The following ACAP2 variants were observed in gnomAD, a reference collection of about 807,000 sequenced individuals.
ACAP2 encodes the protein arf-GAP with coiled-coil, ANK repeat and PH domain-containing protein 2.
A neutral mutation model predicts 115.8 loss-of-function variants in ACAP2; 39 were observed. That is an observed-to-expected ratio of 0.34 (90% confidence interval 0.26 to 0.44). The LOEUF (loss-of-function observed/expected upper bound fraction) is 0.44, where lower values mean the gene tolerates loss of function less well. Ranked by LOEUF, ACAP2 falls within the 20% of genes least tolerant of loss-of-function variation. The probability of loss-of-function intolerance (pLI) is 1.00; values close to 1 mark genes in which losing one functional copy is unlikely to be tolerated. For missense variants in ACAP2, 662 were observed against 927.6 expected (o/e 0.71, Z 3.72); for synonymous variants, 289 against 315.8 (o/e 0.92, Z 0.90).
intron 10 of ACAP2, among the ~76,000 whole-genome samples, chr3:195,318,443 G>C (rs1476123730): frequency 6.6e-6 from 1 of 152,242 alleles, no homozygotes; most frequent in Non-Finnish European, 1.5e-5. Flanking sequence ...CCAAAATGCT[G>C]ATACGGATAT....
chr3:195,284,304 C>CA (rs1041270758), intron 22 of ACAP2, among the ~76,000 whole-genome samples: 1 of 152,170 alleles, frequency 6.6e-6, no homozygotes, highest in African/African-American at 2.4e-5. Context: ...ACAAAGGCCT[C>CA]AAAAACGGCC....
intron 4 of ACAP2, among the ~76,000 whole-genome samples, chr3:195,353,977 C>T (rs1455163981): frequency 6.6e-6 from 1 of 152,028 alleles, no homozygotes; most frequent in Non-Finnish European, 1.5e-5. Context: ...TTTTTCTGAT[C>T]CTCTCCCTCC....
intron 1 of ACAP2, among the ~76,000 whole-genome samples, chr3:195,432,740 T>A (rs967397463): frequency 2.6e-5 from 4 of 152,204 alleles, no homozygotes; most frequent in Non-Finnish European, 4.4e-5. Context: ...GGAATTTTCA[T>A]AGAGATTGCG....
In ACAP2 at chr3:195,297,188, A is replaced by G; in HGVS notation, c.1487+2T>C. On this transcript the variant is annotated splice_donor_variant, in intron 16 of 22. Transcript: ENST00000326793. LOFTEE classifies it high-confidence loss of function. ...AGGGGGAAAAAACAACTGAAATAGT[A>G]CCTTTGTCCTGGTTGGGGTTTCTTT... 1 of 1,610,538 alleles carries G rather than the reference A, an allele frequency of 6.2e-7. No homozygotes were observed.
At chr3:195,341,995 G>A (rs528436345) in intron 6 of ACAP2, among the ~76,000 whole-genome samples, 1 of 152,052 alleles carries the variant, frequency 6.6e-6, no homozygotes, top group African/African-American at 2.4e-5. Flanking sequence ...TCAGAAAGGG[G>A]GGAAGGTGGG....
intron 15 of ACAP2, among the ~76,000 whole-genome samples, chr3:195,300,044 C>CTTTTTTTTTTTTTTTTTTTTTT (rs765234326): frequency 2.3e-4 from 8 of 34,342 alleles, no homozygotes; most frequent in African/African-American, 4.9e-4. Context: ...CTTTTTTTTT[C>CTTTTTTTTTTTTTTTTTTTTTT]TTTTTTTTTT....
chr3:195,393,890 G>C (rs1001322403), intron 1 of ACAP2, among the ~76,000 whole-genome samples: 7 of 145,338 alleles, frequency 4.8e-5, no homozygotes, highest in African/African-American at 7.5e-5. Flanking sequence ...ATATTGGGGG[G>C]GGGGGAAGCA....
intron 2 of ACAP2, among the ~76,000 whole-genome samples, chr3:195,383,304 TA>T (rs1449403893): frequency 6.9e-6 from 1 of 145,586 alleles, no homozygotes; most frequent in Non-Finnish European, 1.5e-5. Context: ...AGATAGTAAA[TA>T]AAAGTCTGGT....
intron 10 of ACAP2, among the ~76,000 whole-genome samples, chr3:195,313,784 T>G (rs1728909872): frequency 6.6e-6 from 1 of 152,190 alleles, no homozygotes; most frequent in Non-Finnish European, 1.5e-5. Context: ...TAAATTATGT[T>G]AGTATCTATT....
At chr3:195,442,703 C>T in intron 1 of ACAP2, 92 bp downstream of exon 1, 3 of 1,352,582 alleles carry the variant, frequency 2.2e-6, no homozygotes, top group South Asian at 2.7e-5. Context: ...GAGCGGACGG[C>T]GGGGCCTCCT....
chr3:195,392,843 T>C (rs1459747765), intron 1 of ACAP2, among the ~76,000 whole-genome samples: 9 of 152,244 alleles, frequency 5.9e-5, no homozygotes, highest in African/African-American at 1.9e-4. Flanking sequence ...GTTTTGGGGA[T>C]GAAAACATTT....
At chr3:195,416,626 T>C (rs976174461) in intron 1 of ACAP2, among the ~76,000 whole-genome samples, 1 of 152,160 alleles carries the variant, frequency 6.6e-6, no homozygotes, top group Non-Finnish European at 1.5e-5. Context: ...ATTAACACTA[T>C]GAACACAGTG....
In ACAP2 at chr3:195,320,800, T is replaced by A; in HGVS notation, c.758A>T (p.Asp253Val). 1.9e-6 allele frequency: 3 copies of A among 1,611,658 alleles called. No individual in the cohort carries two copies. In the South Asian group the frequency reaches 3.3e-5, roughly 18 times the overall value. ...STIQQKDFSS[D>V]DSKLEYNVDA... Reference sequence around the variant, plus strand: ...TACGTTATATTCTAACTTAGAATCATCACTGGAGAAATCCTACACAAAATA... The same window carrying A: ...TACGTTATATTCTAACTTAGAATCAACACTGGAGAAATCCTACACAAAATA... The change falls in exon 10 of 23, where the codon GAT (aspartate) becomes GTT (valine). Residue 253 changes from aspartate to valine, a missense_variant. By Grantham distance (152) the Asp-to-Val change is radical. This residue lies in a region of ACAP2 where 401 missense variants were observed against 604.4 expected (regional missense o/e 0.66). Transcript: ENST00000326793.
intron 1 of ACAP2, among the ~76,000 whole-genome samples, chr3:195,440,348 C>G (rs1031499731): frequency 2.6e-5 from 4 of 152,106 alleles, no homozygotes; most frequent in African/African-American, 9.7e-5. Context: ...TCAACCAGTC[C>G]CCTTGTATTC....
intron 1 of ACAP2, among the ~76,000 whole-genome samples, chr3:195,418,499 A>C (rs1451774666): frequency 1.3e-5 from 2 of 152,204 alleles, no homozygotes; most frequent in Non-Finnish European, 2.9e-5. Context: ...ATCACAGCTC[A>C]CTGCAGCCTC....
chr3:195,327,086 T>C (rs1729844617), intron 8 of ACAP2, 127 bp from the exon 9 acceptor site: 1 of 930,364 alleles, frequency 1.1e-6, no homozygotes, highest in Non-Finnish European at 1.6e-6. Flanking sequence ...AATAAAGTTT[T>C]GGCTAAATTT....
intron 13 of ACAP2, among the ~76,000 whole-genome samples, chr3:195,303,772 G>C (rs534894119): frequency 5.9e-5 from 9 of 152,194 alleles, no homozygotes; most frequent in South Asian, 4.2e-4. Context: ...CTGTCTCCCC[G>C]CCATCCTGCT....
chr3:195,335,367 T>A (rs1353691074), intron 7 of ACAP2, among the ~76,000 whole-genome samples: 1 of 152,190 alleles, frequency 6.6e-6, no homozygotes, highest in Admixed American at 6.5e-5. Context: ...TAATGACATA[T>A]AACTTTGCAG....
rs34753938 is a variant in ACAP2 at position 195,321,621 on chromosome 3, C to CT, written c.745-809dup. On this transcript the variant is annotated intron_variant, in intron 9 of 22. Transcript: ENST00000326793. ...TACCATGGTAGTTCCTTTTTTTTTT[C>CT]TTTTTTTTTTGAGACTGAATCTCAC... 1.6e-4 allele frequency among the ~76,000 whole-genome samples: 23 copies of CT among 139,934 alleles called. No homozygotes were observed. In the South Asian group the frequency reaches 1.8e-3, roughly 11 times the overall value. The allele number at this position is 139,934 out of a possible 152,430, so 91.8% of individuals were successfully genotyped here.
Sources: allele counts gnomAD v4.1 joint callset (sites outside exome capture counted in the v4.1 genomes callset), GRCh38; gene constraint gnomAD v4.1.1; regional missense constraint gnomAD v4.1.1; transcripts MANE v1.5; gene names NCBI Gene and HGNC (gene_info 2026-07-23, HGNC 2026-07-21).